CNOT1: variants seen among roughly 807,000 people sequenced by gnomAD.
CNOT1 encodes CCR4-NOT transcription complex subunit 1, also known as CCR4-associated factor 1.
CNOT1 carries 15 observed loss-of-function variants against 273.8 expected under a neutral mutation model. The observed-to-expected ratio is 0.05, with a 90% CI of 0.04 to 0.08. CNOT1 has a LOEUF of 0.08. CNOT1 is among the 10% of genes least tolerant of loss of function. CNOT1 has a pLI of 1.00. For missense variants in CNOT1, 1,644 were observed against 2,912.2 expected, an observed-to-expected ratio of 0.56 and a Z score of 10.02; for synonymous variants, 1,022 against 1,005.5, an observed-to-expected ratio of 1.02 and a Z score of -0.31.
chr16:58,537,190 G>A lies in CNOT1; in HGVS notation c.5445C>T (p.Ser1815=). The change falls in exon 39 of 49, where the codon TCC becomes TCT. Residue 1815 remains serine (S), a synonymous_variant. Coordinates refer to ENST00000317147, the MANE Select transcript of CNOT1 (RefSeq NM_016284.5). ...GLPQLMEVVR[S]NYEAMIDRAH... is the part of the protein sequence containing the mutation. ...CACGATCAATCATTGCTTCATAGTT[G>A]GATCGCACTACTTCCATCAGCTGGG... The A allele has an allele frequency of 2.5e-6, 4 of 1,610,722 alleles. No individual in the cohort carries two copies. Among genetic ancestry groups the A allele is most frequent in the Non-Finnish European group, 3.4e-6 (4 of 1,177,982 alleles).
At chr16:58,587,623 A>G (rs2089869405) in intron 4 of CNOT1, among the ~76,000 whole-genome samples, 157 bp downstream of exon 4, 1 of 152,208 alleles carries the variant, frequency 6.6e-6, no homozygotes, top group Non-Finnish European at 1.5e-5. Context: ...TTATTATTAA[A>G]TGAACTGCCT....
intron 21 of CNOT1, among the ~76,000 whole-genome samples, chr16:58,554,232 C>T (rs932351466): frequency 6.7e-6 from 1 of 149,886 alleles, no homozygotes. Context: ...ACTACTGAAA[C>T]GTAGTAACGT....
At chr16:58,552,886 C>T (rs536799031) in intron 22 of CNOT1, among the ~76,000 whole-genome samples, 18 of 152,274 alleles carry the variant, frequency 1.2e-4, no homozygotes, top group Admixed American at 5.2e-4. Context: ...TGAAACAATG[C>T]TTCTCAAATT....
chr16:58,582,927 A>G, intron 9 of CNOT1, 24 bp from the exon 10 acceptor site: 1 of 1,613,688 alleles, frequency 6.2e-7, no homozygotes, highest in Non-Finnish European at 8.5e-7. Context: ...ACTTGAATTA[A>G]ACAAACCCAA....
At chr16:58,617,705 A>T (rs2043142270) in intron 1 of CNOT1, among the ~76,000 whole-genome samples, 2 of 152,156 alleles carry the variant, frequency 1.3e-5, no homozygotes, top group South Asian at 4.1e-4. Context: ...CTCAATGTAA[A>T]CACCTCAAAA....
At chr16:58,626,622 C>T (rs1260968830) in intron 1 of CNOT1, among the ~76,000 whole-genome samples, 3 of 151,200 alleles carry the variant, frequency 2.0e-5, no homozygotes, top group Admixed American at 2.0e-4. Context: ...TAGCTGGGTG[C>T]AGTGGTGCGC....
chr16:58,611,563 G>T (rs1283433305), intron 1 of CNOT1, among the ~76,000 whole-genome samples: 1 of 152,336 alleles, frequency 6.6e-6, no homozygotes, highest in Admixed American at 6.5e-5. Context: ...GCTCACGCCT[G>T]TAATCCCAAC....
intron 2 of CNOT1, among the ~76,000 whole-genome samples, chr16:58,589,436 C>T (rs925198304): frequency 6.6e-6 from 1 of 152,028 alleles, no homozygotes; most frequent in African/African-American, 2.4e-5. Flanking sequence ...CACTTGAACC[C>T]GGGAGACAGA....
chr16:58,587,311 G>GT, intron 5 of CNOT1, 34 bp downstream of exon 5: 1 of 1,613,618 alleles, frequency 6.2e-7, no homozygotes, highest in Non-Finnish European at 8.5e-7. Context: ...TTTAATTCTA[G>GT]TTTTGTCTAC....
At chr16:58,574,885 AGTT>A (rs1457907265) in intron 15 of CNOT1, 119 bp downstream of exon 15, 9 of 1,559,802 alleles carry the variant, frequency 5.8e-6, no homozygotes, top group Non-Finnish European at 7.8e-6. Context: ...CATTTAAAAA[AGTT>A]GTTTCTTTCA....
intron 16 of CNOT1, among the ~76,000 whole-genome samples, chr16:58,565,175 T>C (rs2151949839): frequency 6.6e-6 from 1 of 152,288 alleles, no homozygotes; most frequent in Non-Finnish European, 1.5e-5. Flanking sequence ...AGGAATGCAG[T>C]GGTACAATTA....
chr16:58,568,371 G>GAA (rs745327607), intron 16 of CNOT1, among the ~76,000 whole-genome samples: 36 of 134,646 alleles, frequency 2.7e-4, no homozygotes, highest in Non-Finnish European at 3.6e-4. Flanking sequence ...TCCATCTCAA[G>GAA]AAAAAAAAAA....
intron 8 of CNOT1, among the ~76,000 whole-genome samples, chr16:58,583,776 T>G (rs964790907): frequency 6.6e-6 from 1 of 152,062 alleles, no homozygotes; most frequent in African/African-American, 2.4e-5. Flanking sequence ...TGGCCTCAAG[T>G]GATCCACCCA....
In CNOT1 at chr16:58,539,861, G is replaced by A. The variant is rs1212125203; in HGVS notation, c.4899C>T (p.Asn1633=). The change falls in exon 35 of 49, where the codon AAC becomes AAT. Residue 1633 remains asparagine (N), a synonymous_variant. Transcript: ENST00000317147. ...LHAIPPTLAM[N]PQAQALRSLL... is the part of the protein sequence containing the mutation. ...GACTTCGAAGAGCCTGAGCTTGAGGGTTCATGGCCAAAGTTGGTGGGATGG... is the reference window on the plus strand; with the variant it reads ...GACTTCGAAGAGCCTGAGCTTGAGGATTCATGGCCAAAGTTGGTGGGATGG... 2 of 1,614,150 alleles carry A rather than the reference G, an allele frequency of 1.2e-6. No individual in the cohort carries two copies. The highest frequency in any genetic ancestry group is 8.5e-7 in the Non-Finnish European group (1 of 1,180,026).
chr16:58,539,047 C>T (rs2039997580), intron 35 of CNOT1, 133 bp from the exon 36 acceptor site: 1 of 1,358,666 alleles, frequency 7.4e-7, no homozygotes, highest in Non-Finnish European at 9.8e-7. Flanking sequence ...ACTCTCCAAA[C>T]ATCCCTTTCA....
At chr16:58,527,337 C>G (rs989548374) in intron 44 of CNOT1, among the ~76,000 whole-genome samples, 14 of 150,990 alleles carry the variant, frequency 9.3e-5, no homozygotes, top group Admixed American at 7.3e-4. Context: ...GCCTGGCCAA[C>G]TAGTGAAACC....
At chr16:58,588,626 G>A (rs2041953070) in intron 3 of CNOT1, among the ~76,000 whole-genome samples, 173 bp downstream of exon 3, 1 of 152,018 alleles carries the variant, frequency 6.6e-6, no homozygotes, top group Admixed American at 6.6e-5. Context: ...ATAGTCTACA[G>A]CCAGGCAGAA....
intron 1 of CNOT1, among the ~76,000 whole-genome samples, chr16:58,623,993 A>G (rs1432824252): frequency 2.7e-5 from 4 of 148,020 alleles, no homozygotes; most frequent in African/African-American, 9.8e-5. Flanking sequence ...TCCGGCTCCA[A>G]AAAAAAAAAA....
At chr16:58,606,523 C>T (rs1220243324) in intron 1 of CNOT1, among the ~76,000 whole-genome samples, 2 of 152,146 alleles carry the variant, frequency 1.3e-5, no homozygotes, top group Non-Finnish European at 2.9e-5. Context: ...TATCTTCAGG[C>T]CAGGCGCACC....
Sources: gnomAD v4.1 joint callset for allele counts (sites outside exome capture counted in the v4.1 genomes callset) on GRCh38, gnomAD v4.1.1 for gene constraint, MANE v1.5 for transcripts, NCBI Gene and HGNC (gene_info 2026-07-23, HGNC 2026-07-21) for gene names.